Variants in STAU1 observed in about 807,000 individuals in gnomAD.
STAU1 encodes the protein double-stranded RNA-binding protein Staufen homolog 1.
STAU1 carries 13 observed loss-of-function variants against 62.9 expected under a neutral mutation model. That is an observed-to-expected ratio of 0.21 (90% CI 0.13 to 0.33). The LOEUF (loss-of-function observed/expected upper bound fraction) is 0.33. Ranked by LOEUF, STAU1 falls within the 10% of genes least tolerant of loss-of-function variation. The pLI is 1.00. For missense variants in STAU1, 571 were observed against 712.1 expected (o/e 0.80, Z 2.25); for synonymous variants, 269 against 265.1 (o/e 1.01, Z -0.14).
intron 1 of STAU1, among the ~76,000 whole-genome samples, chr20:49,182,005 A>G (rs1229059600): frequency 6.6e-6 from 1 of 152,194 alleles, no homozygotes; most frequent in East Asian, 1.9e-4. Context: ...TAGATTCCAG[A>G]TTAAACAGAT....
the STAU1 span, among the ~76,000 whole-genome samples, chr20:49,201,071 A>AAAAGAAGAAG: frequency 1.9e-5 from 2 of 104,568 alleles, no homozygotes; most frequent in Non-Finnish European, 4.0e-5. Flanking sequence ...AAAAAAAAAA[A>AAAAGAAGAAG]AAGAAGAAGA....
Position 49,170,785 on chromosome 20 carries a change from GAA to G in STAU1, c.-85+3408_-85+3409del, listed in dbSNP as rs34699924. On this transcript the variant is annotated intron_variant, in intron 2 of 13. Transcript: ENST00000371856. ...ATATTTCCAAACAAGATGTGTCTGG[GAA>G]AAAAAAAAAAAAAAAGAAGGAAAGA... 4.5e-3 allele frequency among the ~76,000 whole-genome samples: 616 copies of G among 135,750 alleles called. 6 individuals carry two copies. Among genetic ancestry groups the G allele is most frequent in the African/African-American group, 0.016 (573 of 36,234 alleles). The allele number at this position is 135,750 out of a possible 152,430, so 89.1% of individuals were successfully genotyped here.
At chr20:49,218,047 G>A in the STAU1 span, among the ~76,000 whole-genome samples, 1 of 145,664 alleles carries the variant, frequency 6.9e-6, no homozygotes, top group African/African-American at 2.5e-5. Flanking sequence ...CTAATTTTTT[G>A]TATTTTTAGT....
the STAU1 span, among the ~76,000 whole-genome samples, chr20:49,197,669 T>C: frequency 6.6e-6 from 1 of 152,102 alleles, no homozygotes; most frequent in African/African-American, 2.4e-5. Flanking sequence ...CCCAAAGTGC[T>C]AGAATTACAG....
chr20:49,204,641 TATATA>T, the STAU1 span, among the ~76,000 whole-genome samples: 9 of 57,720 alleles, frequency 1.6e-4, no homozygotes, highest in African/African-American at 4.2e-4. Flanking sequence ...TATATATATA[TATATA>T]TTTTTTTTTT....
intron 1 of STAU1, among the ~76,000 whole-genome samples, chr20:49,176,468 G>A (rs527555799): frequency 6.6e-6 from 1 of 152,250 alleles, no homozygotes; most frequent in South Asian, 2.1e-4. Flanking sequence ...CTTACCTTGA[G>A]ATGCTTTTAT....
chr20:49,199,210 C>T, the STAU1 span, among the ~76,000 whole-genome samples: 1 of 151,914 alleles, frequency 6.6e-6, no homozygotes, highest in African/African-American at 2.4e-5. Context: ...TTTTGGACTA[C>T]AGGTGCATAC....
At chr20:49,127,689 G>A (rs1229514924) in intron 6 of STAU1, among the ~76,000 whole-genome samples, 1 of 149,628 alleles carries the variant, frequency 6.7e-6, no homozygotes, top group Non-Finnish European at 1.5e-5. Context: ...CCGGATGACA[G>A]AGCAAGACTT....
chr20:49,180,380 G>A (rs1405287662), intron 1 of STAU1, among the ~76,000 whole-genome samples: 1 of 150,342 alleles, frequency 6.7e-6, no homozygotes, highest in Non-Finnish European at 1.5e-5. Context: ...CTGAAGTGCA[G>A]CGGCACGATG....
chr20:49,123,928 A>T (rs946949664), intron 7 of STAU1, among the ~76,000 whole-genome samples: 2 of 152,200 alleles, frequency 1.3e-5, no homozygotes, highest in Non-Finnish European at 2.9e-5. Flanking sequence ...TAGATCCATT[A>T]GTGTGGCTCA....
chr20:49,161,390 A>G (rs538870922), intron 3 of STAU1, among the ~76,000 whole-genome samples: 1 of 152,344 alleles, frequency 6.6e-6, no homozygotes, highest in East Asian at 1.9e-4. Context: ...AAGGATGAAA[A>G]AAGAAGCAAC....
At chr20:49,139,525 G>C (rs1380583683) in intron 5 of STAU1, among the ~76,000 whole-genome samples, 1 of 152,042 alleles carries the variant, frequency 6.6e-6, no homozygotes, top group African/African-American at 2.4e-5. Context: ...AGAGGTTCGA[G>C]ACCAGCCTGG....
intron 3 of STAU1, among the ~76,000 whole-genome samples, chr20:49,158,087 G>A (rs768748028): frequency 2.0e-5 from 3 of 151,638 alleles, no homozygotes. Flanking sequence ...TTCAAGACCC[G>A]CCTGGCCAAC....
At chr20:49,157,972 C>T (rs1037606676) in intron 3 of STAU1, among the ~76,000 whole-genome samples, 15 of 151,856 alleles carry the variant, frequency 9.9e-5, no homozygotes, top group Non-Finnish European at 2.1e-4. Context: ...AGATTCACTA[C>T]TTTGGAATTT....
chr20:49,141,721 C>G (rs1310669337), intron 5 of STAU1, among the ~76,000 whole-genome samples: 2 of 152,138 alleles, frequency 1.3e-5, no homozygotes, highest in Non-Finnish European at 1.5e-5. Context: ...ATGACGAAAC[C>G]CCATCTCTAC....
intron 2 of STAU1, among the ~76,000 whole-genome samples, chr20:49,172,151 A>C (rs1027004656): frequency 6.6e-6 from 1 of 152,186 alleles, no homozygotes; most frequent in East Asian, 1.9e-4. Context: ...CTTTCTTTCC[A>C]CACAAATGTA....
chr20:49,123,397 TA>T (rs769696198), intron 7 of STAU1, among the ~76,000 whole-genome samples, 162 bp from the exon 8 acceptor site: 6 of 152,224 alleles, frequency 3.9e-5, no homozygotes, highest in South Asian at 4.1e-4. Context: ...AAAGATGCTT[TA>T]TTTTTTTTAT....
chr20:49,139,637 A>C (rs1011573793), intron 5 of STAU1, among the ~76,000 whole-genome samples: 1 of 151,674 alleles, frequency 6.6e-6, no homozygotes, highest in African/African-American at 2.4e-5. Context: ...GAGGCAGGAG[A>C]ATCACTTGAA....
At chr20:49,204,592 TTATATATATATATATATA>T in the STAU1 span, among the ~76,000 whole-genome samples, 4 of 45,658 alleles carry the variant, frequency 8.8e-5, no homozygotes, top group Admixed American at 3.7e-4. Flanking sequence ...GGATTTTACA[TTATATATATATATATATA>T]TATATATATA....
Sources: allele counts gnomAD v4.1 joint callset (sites outside exome capture counted in the v4.1 genomes callset), GRCh38; gene constraint gnomAD v4.1.1; transcripts MANE v1.5; gene names NCBI Gene and HGNC (gene_info 2026-07-23, HGNC 2026-07-21).